MYO3A: variants seen among roughly 807,000 people sequenced by gnomAD.
MYO3A encodes myosin IIIA.
In MYO3A, 180 loss-of-function variants were observed where a neutral mutation model predicts 192.7. The ratio of observed to expected loss-of-function variants is 0.93; its 90% CI spans 0.83 to 1.06. The LOEUF (loss-of-function observed/expected upper bound fraction) is 1.06, where lower values mean the gene tolerates loss of function less well. Ranked by LOEUF, MYO3A falls within the 50% of genes least tolerant of loss-of-function variation. MYO3A has a pLI of 0.00. For synonymous variants in MYO3A, 628 were observed against 645.3 expected (o/e 0.97, Z 0.41); for missense variants, 1,896 against 1,905.0 (o/e 1.00, Z 0.09).
At chr10:26,105,722 C>T (rs1020265171) in intron 17 of MYO3A, among the ~76,000 whole-genome samples, 3 of 151,986 alleles carry the variant, frequency 2.0e-5, no homozygotes, top group African/African-American at 7.2e-5. Flanking sequence ...AACAAATTTA[C>T]GTTTTTGTTC....
rs1840522472 is a variant in MYO3A at position 25,997,381 on chromosome 10, T to G, written c.508+123T>G. ...AATAGAGGAAAAATCAGTAGTATCT[T>G]ATTGAGGTAAGAAGTGCAGAGATAA... On this transcript the variant is annotated intron_variant, in intron 6 of 34. Transcript: ENST00000642920. 4 of 777,796 alleles carry G rather than the reference T, an allele frequency of 5.1e-6. No individual in the cohort carries two copies. The South Asian group carries it at 5.9e-5, about 11-fold the overall frequency. 48.2% of individuals were successfully genotyped at this position (777,796 alleles called of 1,614,324 possible). A position where few individuals can be genotyped will look rare whatever the true frequency, so the allele number is the denominator to read the frequency against.
chr10:26,179,493 A>T (rs1439388800), intron 31 of MYO3A, among the ~76,000 whole-genome samples: 4 of 152,202 alleles, frequency 2.6e-5, no homozygotes, highest in African/African-American at 9.7e-5. Flanking sequence ...CCAAAAATAT[A>T]CCATAAGAAG....
At chr10:25,955,497 C>T (rs1030776763) in intron 4 of MYO3A, among the ~76,000 whole-genome samples, 1 of 152,072 alleles carries the variant, frequency 6.6e-6, no homozygotes. Context: ...AGAAAACTTA[C>T]TTAAAATGGT....
chr10:26,194,699 CT>C (rs1843319284), intron 32 of MYO3A, among the ~76,000 whole-genome samples: 1 of 152,166 alleles, frequency 6.6e-6, no homozygotes, highest in Non-Finnish European at 1.5e-5. Flanking sequence ...AGAGGGTTGT[CT>C]GTGGAAACCC....
chr10:26,137,484 AT>A (rs1188389331), intron 20 of MYO3A, among the ~76,000 whole-genome samples: 4 of 152,000 alleles, frequency 2.6e-5, no homozygotes, highest in Non-Finnish European at 5.9e-5. Context: ...CACTGTAATA[AT>A]TGTGTTGACT....
chr10:25,996,818 T>C (rs2130902584), intron 5 of MYO3A, among the ~76,000 whole-genome samples: 1 of 152,346 alleles, frequency 6.6e-6, no homozygotes, highest in South Asian at 2.1e-4. Flanking sequence ...CTTAAGTGTA[T>C]TTCTGAGACT....
In MYO3A at chr10:26,173,801, G is replaced by A. The variant is rs774297046; in HGVS notation, c.3537G>A (p.Val1179=). ...FKPEEETTNA[V]ESNNRVYQTP... is the part of the protein sequence containing the mutation. Reference sequence around the variant, plus strand: ...CTGAAGAGGAAACCACCAATGCTGTGGAGAGTAACAACAGAGTGTATCAGA... The same window carrying A: ...CTGAAGAGGAAACCACCAATGCTGTAGAGAGTAACAACAGAGTGTATCAGA... Residue 1179 remains valine (V), a synonymous_variant, in exon 30 of 35, where the codon GTG becomes GTA. Transcript: ENST00000642920. 15 of 1,613,930 alleles carry A rather than the reference G, an allele frequency of 9.3e-6. No individual in the cohort carries two copies. Among genetic ancestry groups the A allele is most frequent in the Admixed American group, 1.7e-5 (1 of 59,998 alleles).
intron 10 of MYO3A, among the ~76,000 whole-genome samples, chr10:26,057,385 A>C (rs75829309): frequency 1.3e-5 from 2 of 152,290 alleles, no homozygotes; most frequent in East Asian, 1.9e-4. Context: ...ACCCTGGAAA[A>C]AAAAGGCGAT....
At chr10:26,133,057 T>C (rs1383991832) in intron 20 of MYO3A, among the ~76,000 whole-genome samples, 1 of 152,244 alleles carries the variant, frequency 6.6e-6, no homozygotes, top group East Asian at 1.9e-4. Flanking sequence ...AATGTGTGGA[T>C]GATTAAAAAT....
At chr10:25,993,495 T>C (rs185243925) in intron 4 of MYO3A, among the ~76,000 whole-genome samples, 62 of 152,322 alleles carry the variant, frequency 4.1e-4, no homozygotes, top group South Asian at 8.3e-4. Flanking sequence ...TGAAGGGTTT[T>C]TTGTGTCTCT....
chr10:26,126,863 C>T (rs942919336), intron 19 of MYO3A, among the ~76,000 whole-genome samples: 1 of 152,122 alleles, frequency 6.6e-6, no homozygotes, highest in Admixed American at 6.5e-5. Flanking sequence ...GAAAACCATC[C>T]AAATCTTAGA....
At chr10:26,034,161 C>T (rs1325647339) in intron 10 of MYO3A, among the ~76,000 whole-genome samples, 1 of 152,134 alleles carries the variant, frequency 6.6e-6, no homozygotes, top group Non-Finnish European at 1.5e-5. Flanking sequence ...TTGCTTGTTC[C>T]CAGTATGACC....
At chr10:25,949,487 G>A (rs1837065891) in intron 2 of MYO3A, among the ~76,000 whole-genome samples, 1 of 152,072 alleles carries the variant, frequency 6.6e-6, no homozygotes, top group Non-Finnish European at 1.5e-5. Context: ...CATGACTCAA[G>A]TAGATGTAAG....
At chr10:26,129,024 A>T (rs1179203132) in intron 20 of MYO3A, among the ~76,000 whole-genome samples, 1 of 152,210 alleles carries the variant, frequency 6.6e-6, no homozygotes, top group African/African-American at 2.4e-5. Flanking sequence ...TAATTTATGA[A>T]TCAGCTTCAA....
chr10:26,120,548 C>T (rs944491344), intron 17 of MYO3A, 128 bp from the exon 18 acceptor site: 33 of 1,216,292 alleles, frequency 2.7e-5, no homozygotes, highest in Non-Finnish European at 3.6e-5. Context: ...CTCAGTGTGG[C>T]GTCATCATAG....
intron 18 of MYO3A, among the ~76,000 whole-genome samples, chr10:26,125,037 A>G (rs1300679290): frequency 6.6e-6 from 1 of 152,188 alleles, no homozygotes; most frequent in African/African-American, 2.4e-5. Flanking sequence ...TAATAATGGT[A>G]TCCAAATTAT....
intron 6 of MYO3A, among the ~76,000 whole-genome samples, chr10:26,015,515 A>C (rs181932657): frequency 5.1e-4 from 78 of 152,308 alleles, no homozygotes; most frequent in African/African-American, 1.8e-3. Context: ...CTAAGTAAAA[A>C]TATCATTTGT....
At chr10:25,949,713 C>G (rs376436286) in intron 2 of MYO3A, among the ~76,000 whole-genome samples, 1 of 151,992 alleles carries the variant, frequency 6.6e-6, no homozygotes, top group Non-Finnish European at 1.5e-5. Flanking sequence ...TCAGAATATG[C>G]TCTTTATTGT....
chr10:26,022,047 C>T (rs1842334264), intron 8 of MYO3A: 1 of 154,566 alleles, frequency 6.5e-6, no homozygotes, highest in Non-Finnish European at 1.4e-5. Flanking sequence ...TTGTTCAGAA[C>T]TTTAAAATAA....
Sources: gnomAD v4.1 joint callset for allele counts (sites outside exome capture counted in the v4.1 genomes callset) on GRCh38, gnomAD v4.1.1 for gene constraint, MANE v1.5 for transcripts, NCBI Gene and HGNC (gene_info 2026-07-23, HGNC 2026-07-21) for gene names.